Variants in VTCN1 observed in about 807,000 individuals in gnomAD.
The protein encoded by VTCN1 is V-set domain-containing T-cell activation inhibitor 1.
A neutral mutation model predicts 26.5 loss-of-function variants in VTCN1; 26 were observed. That is an observed-to-expected ratio of 0.98 (90% CI 0.72 to 1.36). The LOEUF is 1.36. VTCN1 is among the 40% of genes most tolerant of loss of function. The probability of loss-of-function intolerance (pLI) is 0.00; values close to 1 mark genes in which losing one functional copy is unlikely to be tolerated. For missense variants in VTCN1, 298 were observed against 337.7 expected (o/e 0.88, Z 0.92); for synonymous variants, 116 against 130.7 (o/e 0.89, Z 0.77).
At position 117,145,663 on chromosome 1, in the gene VTCN1, C is replaced by T. The variant is rs1367048628; in HGVS notation, c.*46-438G>A. On this transcript the variant is annotated intron_variant, in intron 5 of 5. Transcript: ENST00000369458. This position sits in a 1 kb window ranked among gnomAD's most constrained non-coding sequence, Gnocchi z 4.6. ...TCATTATTTTTTTGAGACAGGGTCTCACTCTGTTGCCCAGGCTGGAGTGCA... is the reference window on the plus strand; with the variant it reads ...TCATTATTTTTTTGAGACAGGGTCTTACTCTGTTGCCCAGGCTGGAGTGCA... Among the ~76,000 whole-genome samples, 3 of 152,194 alleles carry T rather than the reference C, an allele frequency of 2.0e-5. No homozygotes were observed.
At chr1:117,197,542 A>G (rs1648574827) in intron 1 of VTCN1, among the ~76,000 whole-genome samples, 2 of 151,978 alleles carry the variant, frequency 1.3e-5, no homozygotes, top group East Asian at 3.9e-4. Context: ...TTGAACCTTT[A>G]CTTCATCCTC....
intron 1 of VTCN1, among the ~76,000 whole-genome samples, chr1:117,196,651 C>T (rs1648528317): frequency 1.3e-5 from 2 of 151,796 alleles, no homozygotes; most frequent in African/African-American, 2.4e-5. Flanking sequence ...ACAGGCATCT[C>T]TCCATTTAAT....
intron 1 of VTCN1, among the ~76,000 whole-genome samples, chr1:117,206,873 G>A (rs1348894112): frequency 6.6e-6 from 1 of 152,156 alleles, no homozygotes; most frequent in African/African-American, 2.4e-5. Flanking sequence ...ACCTATTTAA[G>A]TCTTTCTTCC....
intron 2 of VTCN1, among the ~76,000 whole-genome samples, chr1:117,168,986 CT>C (rs1321329471): frequency 6.6e-6 from 1 of 152,182 alleles, no homozygotes; most frequent in Non-Finnish European, 1.5e-5. Context: ...TTAGCTTCGA[CT>C]TTGTGACAGT....
At chr1:117,156,459 G>A in intron 3 of VTCN1, 115 bp downstream of exon 3, 3 of 1,171,460 alleles carry the variant, frequency 2.6e-6, no homozygotes, top group Non-Finnish European at 3.5e-6. Flanking sequence ...GCTGTTAGCA[G>A]AATTGGGAGC....
chr1:117,159,542 C>T lies in VTCN1; in HGVS notation c.98-2621G>A, dbSNP rs1652262757. Among the ~76,000 whole-genome samples the T allele has an allele frequency of 6.6e-6, 1 of 152,174 alleles. No homozygotes were observed. The highest frequency in any genetic ancestry group is 2.4e-5 in the African/African-American group (1 of 41,438). On this transcript the variant is annotated intron_variant, in intron 2 of 5. Transcript: ENST00000369458. This position sits in a 1 kb window ranked among gnomAD's most constrained non-coding sequence, Gnocchi z 4.7. ...TTAAGATGAGATTTGGGTGGGGACA[C>T]AGAGCCAAACTATATCACCTACTTT...
chr1:117,200,682 G>A (rs904349559), intron 1 of VTCN1, among the ~76,000 whole-genome samples: 2 of 152,132 alleles, frequency 1.3e-5, no homozygotes, highest in African/African-American at 2.4e-5. Context: ...TTCTGTACAG[G>A]ATCTTACAGC....
intron 1 of VTCN1, among the ~76,000 whole-genome samples, chr1:117,205,893 A>G (rs956226165): frequency 3.9e-5 from 6 of 152,036 alleles, no homozygotes; most frequent in Non-Finnish European, 8.8e-5. Flanking sequence ...CATCGCTCCA[A>G]TTGGCCCCTG....
chr1:117,164,808 C>T (rs558308706), intron 2 of VTCN1, among the ~76,000 whole-genome samples: 3 of 152,340 alleles, frequency 2.0e-5, no homozygotes, highest in South Asian at 2.1e-4. Flanking sequence ...CTTTCCATCA[C>T]GTCTCCTTCC....
rs1651470003 is a variant in VTCN1 at position 117,145,699 on chromosome 1, C to T, written c.*46-474G>A. 6.6e-6 allele frequency among the ~76,000 whole-genome samples: 1 copy of T among 152,168 alleles called. No homozygotes were observed. The highest frequency in any genetic ancestry group is 1.5e-5 in the Non-Finnish European group (1 of 68,032). ...CCAGGCTGGAGTGCAGTGGTGCAAA[C>T]ATTGGCTCACTGCAGCCTAAACCTC... On this transcript the variant is annotated intron_variant, in intron 5 of 5. Transcript: ENST00000369458. The surrounding 1 kb of genome is among the most constrained non-coding windows in gnomAD (Gnocchi z 4.6).
chr1:117,157,091 T>TTA (rs963187591), intron 2 of VTCN1, 170 bp from the exon 3 acceptor site: 8 of 759,174 alleles, frequency 1.1e-5, no homozygotes, highest in African/African-American at 3.2e-5. Context: ...ACAATCATTT[T>TTA]GATATATATA....
chr1:117,189,844 C>T lies in VTCN1; in HGVS notation c.33-19673G>A, dbSNP rs1020889145. 2.4e-4 allele frequency among the ~76,000 whole-genome samples: 37 copies of T among 152,124 alleles called. 1 individual carries two copies. Among genetic ancestry groups the T allele is most frequent in the African/African-American group, 8.5e-4 (35 of 41,420 alleles). On this transcript the variant is annotated intron_variant, in intron 1 of 5. Coordinates refer to ENST00000369458, the MANE Select transcript of VTCN1 (RefSeq NM_024626.4). ...TTAATTTGGCAACCACTGGTGGATA[C>T]CAGTGCCTTTGTGGGAGCCTTGGAA... is the stretch of plus-strand genomic sequence containing the variant.
At chr1:117,182,284 GAAGT>G (rs1647709919) in intron 1 of VTCN1, among the ~76,000 whole-genome samples, 1 of 152,174 alleles carries the variant, frequency 6.6e-6, no homozygotes, top group African/African-American at 2.4e-5. Flanking sequence ...CTGTATCCTA[GAAGT>G]AAGTAGAGGA....
chr1:117,168,399 A>G (rs1261290841), intron 2 of VTCN1, among the ~76,000 whole-genome samples: 1 of 152,204 alleles, frequency 6.6e-6, no homozygotes, highest in African/African-American at 2.4e-5. Context: ...TGTACTACAT[A>G]TAAAATTAAC....
At position 117,146,202 on chromosome 1, in the gene VTCN1, G is replaced by A. The variant is rs1651493158; in HGVS notation, c.*46-977C>T. 6.6e-6 allele frequency among the ~76,000 whole-genome samples: 1 copy of A among 152,062 alleles called. No homozygotes were observed. Among genetic ancestry groups the A allele is most frequent in the South Asian group, 2.1e-4 (1 of 4,794 alleles). On this transcript the variant is annotated intron_variant, in intron 5 of 5. Coordinates refer to ENST00000369458, the MANE Select transcript of VTCN1 (RefSeq NM_024626.4). This position sits in a 1 kb window ranked among gnomAD's most constrained non-coding sequence, Gnocchi z 4.2. ...ATTAAACACTCATTTGCAGTGTTGT[G>A]GGGAATCAAGGAAAGAAAAAAGTGC...
intron 1 of VTCN1, among the ~76,000 whole-genome samples, chr1:117,176,221 C>A (rs1238820425): frequency 2.0e-5 from 3 of 152,186 alleles, no homozygotes; most frequent in Admixed American, 6.5e-5. Flanking sequence ...CTCTCATTAC[C>A]TTTTTACATG....
rs1293037265 is a variant in VTCN1 at position 117,170,089 on chromosome 1, A to G, written c.97+18T>C. On this transcript the variant is annotated intron_variant, in intron 2 of 5. Transcript: ENST00000369458. Reference sequence around the variant, plus strand: ...GGTGAGGGGTGAATAGATTGTAGTAATGCAAGAAATCACATACCTGAAATA... The same window carrying G: ...GGTGAGGGGTGAATAGATTGTAGTAGTGCAAGAAATCACATACCTGAAATA... The G allele has an allele frequency of 1.9e-6, 3 of 1,609,326 alleles. No homozygotes were observed. The highest frequency in any genetic ancestry group is 2.6e-6 in the Non-Finnish European group (3 of 1,175,800).
chr1:117,197,095 C>T (rs558598501), intron 1 of VTCN1, among the ~76,000 whole-genome samples: 2 of 152,214 alleles, frequency 1.3e-5, no homozygotes, highest in South Asian at 4.2e-4. Context: ...TATTTTTCTG[C>T]CTCAGAAAAT....
At chr1:117,151,535 T>TGTTGGTCCATTTTACAGAGCGCTG (rs1557859610) in intron 4 of VTCN1, among the ~76,000 whole-genome samples, 1 of 150,376 alleles carries the variant, frequency 6.6e-6, no homozygotes, top group African/African-American at 2.5e-5. Context: ...ACTTCCTGCC[T>TGTTGGTCCATTTTACAGAGCGCTG]ATTGGTCCAT....
Sources: gnomAD v4.1 joint callset for allele counts (sites outside exome capture counted in the v4.1 genomes callset) on GRCh38, gnomAD v4.1.1 for gene constraint, Gnocchi (gnomAD v3.1) non-coding constraint, MANE v1.5 for transcripts, NCBI Gene and HGNC (gene_info 2026-07-23, HGNC 2026-07-21) for gene names.